CCKAR: variants seen among roughly 807,000 people sequenced by gnomAD.
The protein encoded by CCKAR is cholecystokinin receptor type A.
Under a neutral mutation model 29.8 loss-of-function variants are expected in CCKAR, and 21 were observed. The ratio of observed to expected loss-of-function variants is 0.70; its 90% CI spans 0.50 to 1.01. CCKAR has a LOEUF of 1.01. Ranked by LOEUF, CCKAR falls within the 50% of genes least tolerant of loss-of-function variation. The probability of loss-of-function intolerance (pLI) is 0.00; values close to 1 mark genes in which losing one functional copy is unlikely to be tolerated. For missense variants in CCKAR, 570 were observed against 560.6 expected (o/e 1.02, Z -0.17); for synonymous variants, 238 against 221.3 (o/e 1.08, Z -0.67).
At chr4:26,487,748 G>T (rs1459295366) in intron 2 of CCKAR, among the ~76,000 whole-genome samples, 1 of 152,212 alleles carries the variant, frequency 6.6e-6, no homozygotes, top group East Asian at 1.9e-4. Context: ...CACTCACAAT[G>T]TTTTGCCACC....
intron 3 of CCKAR, 136 bp downstream of exon 3, chr4:26,485,501 C>T (rs1301410923): frequency 5.0e-6 from 4 of 805,526 alleles, no homozygotes; most frequent in Middle Eastern, 3.4e-4. Flanking sequence ...TATCCTAGAA[C>T]GAGGCTAGAA....
At chr4:26,486,125 C>A (rs866681144) in intron 2 of CCKAR, among the ~76,000 whole-genome samples, 2 of 152,246 alleles carry the variant, frequency 1.3e-5, no homozygotes, top group Middle Eastern at 3.4e-3. Context: ...TATCTCATTG[C>A]CAATTTTTAA....
chr4:26,483,354 A>AG (rs1737389243), intron 3 of CCKAR, 71 bp from the exon 4 acceptor site: 1 of 1,495,508 alleles, frequency 6.7e-7, no homozygotes, highest in South Asian at 1.2e-5. Context: ...AGGAATGAAT[A>AG]GGGTTTATGT....
chr4:26,483,327 T>C (rs1253248116), intron 3 of CCKAR, 44 bp from the exon 4 acceptor site: 3 of 1,599,160 alleles, frequency 1.9e-6, no homozygotes, highest in Non-Finnish European at 2.6e-6. Context: ...ACTTTAGACC[T>C]TCAAACTCAA....
Position 26,489,593 on chromosome 4 carries a change from C to T in CCKAR, c.113-109G>A, listed in dbSNP as rs1283220626. On this transcript the variant is annotated intron_variant, in intron 1 of 4. Transcript: ENST00000295589. ...CCGATTTTCCCCCCACCGGGGTGTA[C>T]ATCACTGGACCCACGATTCCTGTCC... The T allele has an allele frequency of 9.2e-6, 11 of 1,193,558 alleles. No homozygotes were observed. The East Asian group carries it at 2.2e-4, about 24-fold the overall frequency. The allele number at this position is 1,193,558 out of a possible 1,614,324, so 73.9% of individuals were successfully genotyped here.
chr4:26,482,653 G>A (rs1737373584), intron 4 of CCKAR, among the ~76,000 whole-genome samples: 1 of 152,178 alleles, frequency 6.6e-6, no homozygotes, highest in Non-Finnish European at 1.5e-5. Context: ...AGGGTGTCAA[G>A]GTCAATTTTC....
intron 2 of CCKAR, among the ~76,000 whole-genome samples, chr4:26,487,804 G>T (rs1429950927): frequency 1.3e-5 from 2 of 151,984 alleles, no homozygotes; most frequent in African/African-American, 4.8e-5. Context: ...TCTGGTTAAG[G>T]TTCCCAAATA....
At chr4:26,485,929 T>C (rs765798392) in intron 2 of CCKAR, 31 bp from the exon 3 acceptor site, 4 of 1,600,658 alleles carry the variant, frequency 2.5e-6, no homozygotes, top group Non-Finnish European at 2.6e-6. Context: ...CCGGTTATGT[T>C]GACTCTGAAA....
rs1462776027 is a variant in CCKAR, at chr4:26,481,567, A to T, written c.*71T>A. The stretch of plus-strand genomic sequence containing the variant: ...ATCAGCTCTGCTCCTTCTCTTCCTG[A>T]TCTCTTCTTCCGTTCTTTCTTCTCT... On this transcript the variant is annotated 3_prime_UTR_variant, in exon 5 of 5. Coordinates refer to ENST00000295589, the MANE Select transcript of CCKAR (RefSeq NM_000730.3). 1 of 1,524,072 alleles carries T rather than the reference A, an allele frequency of 6.6e-7. No individual in the cohort carries two copies. The highest frequency in any genetic ancestry group is 9.1e-7 in the Non-Finnish European group (1 of 1,101,732). 94.4% of individuals were successfully genotyped at this position (1,524,072 alleles called of 1,614,324 possible).
rs1252708233 is a variant in CCKAR at position 26,481,703 on chromosome 4, T to C, written c.1222A>G (p.Thr408Ala). 1 of 1,614,046 alleles carries C rather than the reference T, an allele frequency of 6.2e-7. No individual in the cohort carries two copies. The highest frequency in any genetic ancestry group is 2.2e-5 in the East Asian group (1 of 44,880). ...GEVGEEEEGG[T>A]TGASLSRFSY... ...AACCTGGACAGAGAGGCTCCTGTGG[T>C]CCCGCCTTCCTCCTCCTCCCCCACC... Residue 408 changes from threonine to alanine, a missense_variant, in exon 5 of 5, where the codon ACC becomes GCC. Transcript: ENST00000295589.
chr4:26,485,597 C>T (rs201383965), intron 3 of CCKAR, 40 bp downstream of exon 3: 5 of 1,605,254 alleles, frequency 3.1e-6, no homozygotes, highest in Non-Finnish European at 4.3e-6. Flanking sequence ...TGCAAAATTA[C>T]ATCAAGCTGT....
rs773166071 is a variant in CCKAR at position 26,490,227 on chromosome 4, A to G, written c.41T>C (p.Ile14Thr). The G allele has an allele frequency of 6.2e-7, 1 of 1,613,700 alleles. No homozygotes were observed. The change falls in exon 1 of 5, where the codon ATC (isoleucine) becomes ACC (threonine). Residue 14 changes from isoleucine (I) to threonine (T), a missense_variant. Transcript: ENST00000295589. The stretch of plus-strand genomic sequence containing the variant: ...GAGCCCGAGTTCACAGGGAGGAGTG[A>G]TGTTGCTTCCATTCACAAGAAGGCT... ...VDSLLVNGSN[I>T]TPPCELGLEN...
rs767270429 is a variant in CCKAR, at chr4:26,485,816, G to A, written c.447C>T (p.Ser149=). The A allele has an allele frequency of 4.3e-6, 7 of 1,613,850 alleles. No individual in the cohort carries two copies. Among genetic ancestry groups the A allele is most frequent in the Non-Finnish European group, 5.9e-6 (7 of 1,179,964 alleles). Residue 149 remains serine, a synonymous_variant, in exon 3 of 5, where the codon TCC becomes TCT. Coordinates refer to ENST00000295589, the MANE Select transcript of CCKAR (RefSeq NM_000730.3). The stretch of plus-strand genomic sequence containing the variant: ...CATGGGATTTTGTCTGCCAGACCCG[G>A]GACTGTAAGGGTTTGCAAATCGCAC... The part of the protein sequence containing the change: ...RYGAICKPLQ[S]RVWQTKSHAL...
chr4:26,489,504 C>T lies in CCKAR; in HGVS notation c.113-20G>A. The stretch of plus-strand genomic sequence containing the variant: ...GCCACTCTGCAGAGAGAAACAGGAG[C>T]AAGACGGAGGGATGGAGGTGATGAC... On this transcript the variant is annotated intron_variant, in intron 1 of 4. Transcript: ENST00000295589. 3.7e-6 allele frequency: 6 copies of T among 1,611,752 alleles called. No individual in the cohort carries two copies. The highest frequency in any genetic ancestry group is 5.1e-6 in the Non-Finnish European group (6 of 1,178,262).
At chr4:26,482,250 T>C in intron 4 of CCKAR, 80 bp from the exon 5 acceptor site, 2 of 1,389,442 alleles carry the variant, frequency 1.4e-6, no homozygotes, top group African/African-American at 1.4e-5. Flanking sequence ...CTCCCCTCCA[T>C]CAAGAAGTCC....
rs200004028 is a variant in CCKAR, at chr4:26,482,099, G to A, written c.826C>T (p.Pro276Ser). 1.9e-5 allele frequency: 30 copies of A among 1,614,064 alleles called. No homozygotes were observed. Among genetic ancestry groups the A allele is most frequent in the Non-Finnish European group, 2.3e-5 (27 of 1,180,046 alleles). The change falls in exon 5 of 5, where the codon CCC becomes TCC. Residue 276 changes from proline (P) to serine (S), a missense_variant. Transcript: ENST00000295589. The part of the protein sequence containing the change: ...SDGCYLQKTR[P>S]PRKLELRQLS... ...TGCCGGAGCTCCAGCTTCCTCGGGG[G>A]CCTGGTCTTTTGCAGGTAACACCCA...
rs140877026 is a variant in CCKAR, at chr4:26,485,687, G to A, written c.576C>T (p.Thr192=). The change falls in exon 3 of 5, where the codon ACC becomes ACT. Residue 192 remains threonine, a synonymous_variant. Coordinates refer to ENST00000295589, the MANE Select transcript of CCKAR (RefSeq NM_000730.3). ...LVPFTKNNNQ[T]ANMCRFLLPN... is the part of the protein sequence containing the mutation. ...GCAGTAGAAAGCGGCACATATTCGCGGTCTGGTTGTTATTTTTGGTAAAAG... is the reference window on the plus strand; with the variant it reads ...GCAGTAGAAAGCGGCACATATTCGCAGTCTGGTTGTTATTTTTGGTAAAAG... The A allele has an allele frequency of 5.0e-5, 80 of 1,614,130 alleles. No individual in the cohort carries two copies. In the African/African-American group the frequency reaches 7.9e-4, roughly 16 times the overall value.
chr4:26,489,237 G>A lies in CCKAR; in HGVS notation c.360C>T (p.Phe120=). 1 of 1,614,090 alleles carries A rather than the reference G, an allele frequency of 6.2e-7. No homozygotes were observed. The highest frequency in any genetic ancestry group is 8.5e-7 in the Non-Finnish European group (1 of 1,179,962). ...GSAVCKTTTY[F]MGTSVSVSTF... is the part of the protein sequence containing the mutation. ...GAGTCACCAGCAGCAACTTACCCAT[G>A]AAGTAGGTGGTGGTCTTGCAAACGG... Residue 120 remains phenylalanine, a synonymous_variant, in exon 2 of 5, where the codon TTC becomes TTT. Coordinates refer to ENST00000295589, the MANE Select transcript of CCKAR (RefSeq NM_000730.3).
In CCKAR at chr4:26,483,142, T is replaced by C. The variant is rs1271948071; in HGVS notation, c.754+14A>G. Reference sequence around the variant, plus strand: ...TGCTCATTTGGCATAAACACACAGCTACAAGATAGTTACCTTTAGCAGACT... The same window carrying C: ...TGCTCATTTGGCATAAACACACAGCCACAAGATAGTTACCTTTAGCAGACT... On this transcript the variant is annotated intron_variant, in intron 4 of 4. Coordinates refer to ENST00000295589, the MANE Select transcript of CCKAR (RefSeq NM_000730.3). 6.2e-6 allele frequency: 10 copies of C among 1,613,028 alleles called. No individual in the cohort carries two copies. The highest frequency in any genetic ancestry group is 8.5e-6 in the Non-Finnish European group (10 of 1,179,656).
Sources: allele counts gnomAD v4.1 joint callset (sites outside exome capture counted in the v4.1 genomes callset), GRCh38; gene constraint gnomAD v4.1.1; transcripts MANE v1.5; gene names NCBI Gene and HGNC (gene_info 2026-07-23, HGNC 2026-07-21).